The following PDGFA variants were observed in gnomAD, a reference collection of about 807,000 sequenced individuals.
PDGFA encodes the protein platelet derived growth factor subunit A.
In PDGFA, 9 loss-of-function variants were observed where a neutral mutation model predicts 25.6. The ratio of observed to expected loss-of-function variants is 0.35; its 90% CI spans 0.21 to 0.61. The LOEUF (loss-of-function observed/expected upper bound fraction) is 0.61. Among genes scored for constraint, PDGFA ranks in the 20% least tolerant of loss-of-function variants. The pLI, the probability that PDGFA is intolerant of heterozygous loss-of-function variation, is 0.75. For missense variants in PDGFA, 242 were observed against 272.8 expected (o/e 0.89, Z 0.79); for synonymous variants, 133 against 111.8 (o/e 1.19, Z -1.20).
At chr7:518,683 C>T (rs1254299093) in intron 1 of PDGFA, among the ~76,000 whole-genome samples, 1 of 152,218 alleles carries the variant, frequency 6.6e-6, no homozygotes, top group East Asian at 1.9e-4. Flanking sequence ...GGACACTGCG[C>T]CCCCCGAAGT....
intron 2 of PDGFA, among the ~76,000 whole-genome samples, chr7:515,252 G>C (rs1222263289): frequency 6.6e-6 from 1 of 152,136 alleles, no homozygotes; most frequent in Non-Finnish European, 1.5e-5. Context: ...CCTTCCTCAT[G>C]AGCCCCTGCA....
intron 2 of PDGFA, among the ~76,000 whole-genome samples, chr7:515,554 A>G (rs1479108574): frequency 2.6e-5 from 4 of 152,110 alleles, no homozygotes; most frequent in African/African-American, 9.7e-5. Flanking sequence ...GTCCCCCACC[A>G]GGGGCAAGAG....
Position 505,811 on chromosome 7 carries a change from C to T in PDGFA, c.454-4569G>A, listed in dbSNP as rs577907098. ...AGTCCAGAGCCCTGGCCCCACCGCC[C>T]CACAGCCCCACCTGGGTGTCTCTCG... On this transcript the variant is annotated intron_variant, in intron 4 of 5. Coordinates refer to ENST00000402802, the Ensembl canonical transcript of PDGFA. Among the ~76,000 whole-genome samples, 76 of 152,326 alleles carry T rather than the reference C, an allele frequency of 5.0e-4. 1 individual carries two copies. The South Asian group carries it at 0.014, about 29-fold the overall frequency.
At chr7:518,860 G>A in intron 1 of PDGFA, 79 bp downstream of exon 1, 1 of 947,442 alleles carries the variant, frequency 1.1e-6, no homozygotes, top group Non-Finnish European at 1.5e-6. Flanking sequence ...GCTCTCTGCA[G>A]AGCCCGTGGC....
intron 4 of PDGFA, 71 bp downstream of exon 4, chr7:510,738 G>A (rs1388096359): frequency 5.2e-6 from 2 of 386,392 alleles, no homozygotes; most frequent in Non-Finnish European, 9.4e-6. Context: ...GGAGGGGAGG[G>A]GAGAGGAGAG....
chr7:503,454 G>A (rs990571822), intron 4 of PDGFA, among the ~76,000 whole-genome samples: 43 of 152,256 alleles, frequency 2.8e-4, no homozygotes, highest in African/African-American at 1.0e-3. Flanking sequence ...CTGGGTGAAT[G>A]AGGAGACCTC....
At chr7:519,843 G>C (rs1335177530), upstream of PDGFA, 2 of 148,186 alleles carry the variant, frequency 1.3e-5, no homozygotes, top group Admixed American at 6.7e-5. Flanking sequence ...CAGGGCGCGC[G>C]TGTGGAGCCG....
chr7:520,621 C>T (rs1466279013), upstream of PDGFA: 1 of 152,280 alleles, frequency 6.6e-6, no homozygotes, highest in Non-Finnish European at 1.5e-5. Flanking sequence ...GGAAAGGAGC[C>T]ACCGGTGAGG....
chr7:498,431 A>G, exon 6 of PDGFA: 1 of 812,222 alleles, frequency 1.2e-6, no homozygotes, highest in South Asian at 1.5e-5. Context: ...TGTTCTCCCG[A>G]GTGTTCTCGG....
At chr7:516,041 C>T (rs1397673311) in intron 2 of PDGFA, among the ~76,000 whole-genome samples, 4 of 17,296 alleles carry the variant, frequency 2.3e-4, no homozygotes, top group Admixed American at 6.2e-4. Flanking sequence ...CAGGAAGCAG[C>T]CCCCCCCCCC....
intron 4 of PDGFA, among the ~76,000 whole-genome samples, chr7:501,654 C>T (rs1562484486): frequency 2.0e-5 from 3 of 152,156 alleles, no homozygotes; most frequent in Non-Finnish European, 4.4e-5. Context: ...AACTCCTGGA[C>T]TCAAGTGATC....
chr7:503,446 G>C (rs550045072), intron 4 of PDGFA, among the ~76,000 whole-genome samples: 2 of 152,284 alleles, frequency 1.3e-5, no homozygotes, highest in African/African-American at 4.8e-5. Flanking sequence ...GCACGCTGCT[G>C]GGTGAATGAG....
intron 1 of PDGFA, chr7:518,607 C>A (rs1241085662): frequency 1.9e-5 from 6 of 308,302 alleles, no homozygotes; most frequent in African/African-American, 1.1e-4. Flanking sequence ...ACACACACCC[C>A]CTTCCCCGCT....
intron 5 of PDGFA, among the ~76,000 whole-genome samples, chr7:499,995 G>A (rs1176995919): frequency 5.3e-5 from 8 of 152,118 alleles, no homozygotes; most frequent in African/African-American, 1.9e-4. Context: ...AGCCCTGCAC[G>A]TTTATAAAGG....
rs557708943 is a variant in PDGFA at position 506,083 on chromosome 7, G to A, written c.453+4726C>T. Among the ~76,000 whole-genome samples, 8 of 150,866 alleles carry A rather than the reference G, an allele frequency of 5.3e-5. No homozygotes were observed. In the East Asian group the frequency reaches 1.4e-3, roughly 26 times the overall value. On this transcript the variant is annotated intron_variant, in intron 4 of 5. Transcript: ENST00000402802. ...CCCAGCTACTCGAGAGGCTAAGGCAGAAGAATTGCCTGAACCCGGGAGGTG... is the reference window on the plus strand; with the variant it reads ...CCCAGCTACTCGAGAGGCTAAGGCAAAAGAATTGCCTGAACCCGGGAGGTG...
At chr7:513,034 G>C (rs1372997654) in intron 2 of PDGFA, 2 of 186,404 alleles carry the variant, frequency 1.1e-5, no homozygotes, top group African/African-American at 4.6e-5. Context: ...TGGGCTGCGG[G>C]CCAGACCCCA....
chr7:519,137 G>A (rs1562495326), exon 1 of PDGFA: 1 of 568,414 alleles, frequency 1.8e-6, no homozygotes, highest in Non-Finnish European at 2.9e-6. Flanking sequence ...CGGGGAGCAC[G>A]GAGCTGGCGG....
At chr7:515,310 G>GTTC in intron 2 of PDGFA, among the ~76,000 whole-genome samples, 1 of 152,270 alleles carries the variant, frequency 6.6e-6, no homozygotes, top group African/African-American at 2.4e-5. Flanking sequence ...ATTGAAAAGG[G>GTTC]AGTCCAGGAC....
intron 2 of PDGFA, among the ~76,000 whole-genome samples, chr7:515,454 G>A (rs935458219): frequency 1.3e-5 from 2 of 152,206 alleles, no homozygotes; most frequent in East Asian, 1.9e-4. Context: ...GTCCTCAGGC[G>A]AGAGACTGTG....
Sources: gnomAD v4.1 joint callset for allele counts (sites outside exome capture counted in the v4.1 genomes callset) on GRCh38, gnomAD v4.1.1 for gene constraint, MANE v1.5 for transcripts, NCBI Gene and HGNC (gene_info 2026-07-23, HGNC 2026-07-21) for gene names.